MED12L: variants seen among roughly 807,000 people sequenced by gnomAD.
The protein encoded by MED12L is mediator of RNA polymerase II transcription subunit 12-like protein.
Under a neutral mutation model 281.3 loss-of-function variants are expected in MED12L, and 60 were observed. The observed-to-expected ratio is 0.21, with a 90% CI of 0.17 to 0.26. The LOEUF is 0.26. MED12L is among the 10% of genes least tolerant of loss of function. MED12L has a pLI of 1.00. For missense variants in MED12L, 2,146 were observed against 2,680.9 expected, an observed-to-expected ratio of 0.80 and a Z score of 4.41; for synonymous variants, 974 against 987.2, an observed-to-expected ratio of 0.99 and a Z score of 0.25.
At chr3:151,251,428 A>C (rs887001262) in intron 16 of MED12L, among the ~76,000 whole-genome samples, 5 of 151,800 alleles carry the variant, frequency 3.3e-5, no homozygotes, top group Non-Finnish European at 7.4e-5. Context: ...ATTCCCACCA[A>C]ACCTCAGGTC....
chr3:151,419,014 GTTGT>G (rs1422269590), intron 43 of MED12L, among the ~76,000 whole-genome samples: 1 of 152,136 alleles, frequency 6.6e-6, no homozygotes, highest in African/African-American at 2.4e-5. Flanking sequence ...GTTATTTCGT[GTTGT>G]TTGTGTTTCT....
At chr3:151,290,620 G>A (rs933952780) in intron 16 of MED12L, among the ~76,000 whole-genome samples, 2 of 117,078 alleles carry the variant, frequency 1.7e-5, no homozygotes, top group African/African-American at 6.7e-5. Context: ...TGAAATTCAT[G>A]TTATTACAGC....
intron 2 of MED12L, among the ~76,000 whole-genome samples, chr3:151,107,688 C>G (rs1035949867): frequency 1.3e-5 from 2 of 152,032 alleles, no homozygotes; most frequent in Non-Finnish European, 2.9e-5. Flanking sequence ...TAGAAAACAG[C>G]TATAATAACA....
At chr3:151,170,193 C>A (rs1342090860) in intron 11 of MED12L, among the ~76,000 whole-genome samples, 2 of 152,070 alleles carry the variant, frequency 1.3e-5, no homozygotes, top group African/African-American at 4.8e-5. Context: ...GGAGCTGATT[C>A]TGTGCCCACA....
At chr3:151,227,621 A>G (rs1730797694) in intron 16 of MED12L, among the ~76,000 whole-genome samples, 1 of 152,160 alleles carries the variant, frequency 6.6e-6, no homozygotes, top group African/African-American at 2.4e-5. Flanking sequence ...GTGGAGGGTG[A>G]GGTGTGGCAT....
chr3:151,394,665 G>A lies in MED12L; in HGVS notation c.5618G>A (p.Arg1873Lys), dbSNP rs756200072. ...QNQSLTPGGS[R>K]LDPAGSFVPT... ...TTGGTTGCTTTTGTAGGTGGCTCCA[G>A]ATTGGACCCTGCAGGCTCCTTTGTC... is the stretch of plus-strand genomic sequence containing the variant. The change falls in exon 39 of 45, where the codon AGA (arginine) becomes AAA (lysine). Residue 1873 changes from arginine (R) to lysine (K), a missense_variant. Around this residue, in one of 9 missense-constraint regions of MED12L, gnomAD observed 496 missense variants for 512.0 expected, o/e 0.97. Coordinates refer to ENST00000687756, the MANE Select transcript of MED12L (RefSeq NM_001393769.1). 2 of 1,614,266 alleles carry A rather than the reference G, an allele frequency of 1.2e-6. No homozygotes were observed. Among genetic ancestry groups the A allele is most frequent in the East Asian group, 4.5e-5 (2 of 44,896 alleles).
chr3:151,239,786 G>A (rs536849348), intron 16 of MED12L, among the ~76,000 whole-genome samples: 39 of 152,146 alleles, frequency 2.6e-4, no homozygotes, highest in Non-Finnish European at 4.7e-4. Context: ...TAGTTTGCTT[G>A]TTTTAGCACT....
chr3:151,425,586 C>G (rs201186601), intron 43 of MED12L: 15 of 417,544 alleles, frequency 3.6e-5, no homozygotes, highest in Non-Finnish European at 5.3e-5. Flanking sequence ...GTGTGTGTGT[C>G]TGTGTTTAAT....
At chr3:151,097,840 G>T (rs572008163) in intron 2 of MED12L, among the ~76,000 whole-genome samples, 9 of 152,186 alleles carry the variant, frequency 5.9e-5, no homozygotes, top group African/African-American at 2.2e-4. Context: ...AGAAACTGTC[G>T]TCTAGAGGGA....
At chr3:151,157,866 G>A (rs1296743206) in intron 6 of MED12L, among the ~76,000 whole-genome samples, 1 of 152,160 alleles carries the variant, frequency 6.6e-6, no homozygotes. Context: ...GACCATAAAA[G>A]TATATGTCTT....
intron 16 of MED12L, chr3:151,212,373 T>G (rs2149214014): frequency 6.6e-6 from 1 of 152,298 alleles, no homozygotes; most frequent in Non-Finnish European, 1.5e-5. Flanking sequence ...TTTGCACTCA[T>G]TAATGTAAAT....
chr3:151,422,136 T>A (rs1444319785), intron 43 of MED12L, among the ~76,000 whole-genome samples: 4 of 152,166 alleles, frequency 2.6e-5, no homozygotes, highest in African/African-American at 9.7e-5. Context: ...CAGTGAAACA[T>A]CACTTCCTGC....
intron 26 of MED12L, among the ~76,000 whole-genome samples, chr3:151,372,245 G>T (rs1289004364): frequency 1.3e-5 from 2 of 152,156 alleles, no homozygotes; most frequent in African/African-American, 4.8e-5. Context: ...ATACATTCAT[G>T]CTTGAAATAT....
In MED12L at chr3:151,155,972, A is replaced by G. The variant is rs541684552; in HGVS notation, c.557-189A>G. 6.5e-4 allele frequency among the ~76,000 whole-genome samples: 99 copies of G among 152,284 alleles called. 1 individual carries two copies. In the South Asian group the frequency reaches 0.014, roughly 22 times the overall value. ...ACAGGGCAGGCCACCTCACACTAGC[A>G]TGCGTTCTCTAAGGGCTTTGGGTGG... On this transcript the variant is annotated intron_variant, in intron 5 of 44. Coordinates refer to ENST00000687756, the MANE Select transcript of MED12L (RefSeq NM_001393769.1).
At chr3:151,179,685 T>C (rs1722485673) in intron 11 of MED12L, among the ~76,000 whole-genome samples, 1 of 152,214 alleles carries the variant, frequency 6.6e-6, no homozygotes, top group African/African-American at 2.4e-5. Context: ...GATTTACTGC[T>C]GGTCATGCAC....
At chr3:151,285,428 C>T (rs527427345) in intron 16 of MED12L, among the ~76,000 whole-genome samples, 1 of 151,872 alleles carries the variant, frequency 6.6e-6, no homozygotes, top group Non-Finnish European at 1.5e-5. Context: ...GCGGAGCTTG[C>T]AGTGAGCAGA....
chr3:151,185,435 A>G lies in MED12L; in HGVS notation c.1600A>G (p.Lys534Glu), dbSNP rs1172382403. The stretch of plus-strand genomic sequence containing the variant: ...CATGGCTGTGGCAAAACTCCTGGAG[A>G]AGAGGCAAGCAGAAATTGAGGCAGA... ...RAMAVAKLLE[K>E]RQAEIEAERC... is the part of the protein sequence containing the mutation. Residue 534 changes from lysine to glutamate, a missense_variant, in exon 12 of 45, where the codon AAG (lysine) becomes GAG (glutamate). Lys to Glu is a moderately conservative substitution (Grantham distance 56). Transcript: ENST00000687756. 2 of 1,613,926 alleles carry G rather than the reference A, an allele frequency of 1.2e-6. No individual in the cohort carries two copies. The highest frequency in any genetic ancestry group is 3.3e-5 in the Admixed American group (2 of 60,014).
chr3:151,199,075 G>C, intron 16 of MED12L: 1 of 1,613,904 alleles, frequency 6.2e-7, no homozygotes, highest in African/African-American at 1.3e-5. Flanking sequence ...CAAATGCTAA[G>C]AAGATAATTG....
chr3:151,222,054 C>G (rs545804343), intron 16 of MED12L, among the ~76,000 whole-genome samples: 3 of 152,200 alleles, frequency 2.0e-5, no homozygotes, highest in African/African-American at 7.2e-5. Flanking sequence ...CAAAGGAGAT[C>G]GTTTGGGAAG....
Sources: allele counts gnomAD v4.1 joint callset (sites outside exome capture counted in the v4.1 genomes callset), GRCh38; gene constraint gnomAD v4.1.1; regional missense constraint gnomAD v4.1.1; transcripts MANE v1.5; gene names NCBI Gene and HGNC (gene_info 2026-07-23, HGNC 2026-07-21).